The following MBD5 variants were observed in gnomAD, a reference collection of about 807,000 sequenced individuals.
MBD5 encodes methyl-CpG binding domain protein 5.
Under a neutral mutation model 117.3 loss-of-function variants are expected in MBD5, and 13 were observed. The observed-to-expected ratio is 0.11, with a 90% CI of 0.07 to 0.18. The LOEUF (loss-of-function observed/expected upper bound fraction) is 0.18. MBD5 is among the 10% of genes least tolerant of loss of function. The pLI, the probability that MBD5 is intolerant of heterozygous loss-of-function variation, is 1.00. For missense variants in MBD5, 1,879 were observed against 2,093.8 expected (o/e 0.90, Z 2.00); for synonymous variants, 727 against 766.4 (o/e 0.95, Z 0.85).
chr2:148,112,545 C>T (rs770253744), intron 1 of MBD5, among the ~76,000 whole-genome samples: 12 of 152,154 alleles, frequency 7.9e-5, no homozygotes, highest in Non-Finnish European at 1.5e-4. Flanking sequence ...GAGGAATTAT[C>T]ACATGAGCCT....
chr2:148,264,497 A>C (rs1281409237), intron 3 of MBD5: 1 of 152,216 alleles, frequency 6.6e-6, no homozygotes, highest in Non-Finnish European at 1.5e-5. Context: ...CTGCCTAGAA[A>C]AATAATGGCA....
At chr2:148,295,299 T>G (rs972898355) in intron 3 of MBD5, among the ~76,000 whole-genome samples, 1 of 152,226 alleles carries the variant, frequency 6.6e-6, no homozygotes, top group Non-Finnish European at 1.5e-5. Context: ...ACTGATTCTT[T>G]ATTCTGCCAA....
intron 3 of MBD5, among the ~76,000 whole-genome samples, chr2:148,255,131 A>G (rs1020276327): frequency 2.6e-5 from 4 of 152,224 alleles, no homozygotes; most frequent in African/African-American, 9.6e-5. Context: ...ATGTTAACCT[A>G]CGGTCAAAAC....
At chr2:148,379,938 G>A (rs1704088458) in intron 4 of MBD5, among the ~76,000 whole-genome samples, 1 of 152,106 alleles carries the variant, frequency 6.6e-6, no homozygotes, top group African/African-American at 2.4e-5. Context: ...TATAGAAGAA[G>A]TGGCACAAAC....
intron 3 of MBD5, among the ~76,000 whole-genome samples, chr2:148,330,088 T>TACACACACACACACACACACACAC (rs377202803): frequency 0.018 from 717 of 40,324 alleles, 11 homozygotes; most frequent in Admixed American, 0.041. Context: ...CCTCCTGCCA[T>TACACACACACACACACACACACAC]ACACACACAC....
intron 4 of MBD5, among the ~76,000 whole-genome samples, chr2:148,355,302 C>CTT (rs775202893): frequency 7.7e-6 from 1 of 129,878 alleles, no homozygotes; most frequent in African/African-American, 2.8e-5. Flanking sequence ...TCGATTTTGG[C>CTT]TTTTTTTTTT....
chr2:148,041,117 C>T (rs1040554990), intron 1 of MBD5: 5 of 152,230 alleles, frequency 3.3e-5, no homozygotes, highest in African/African-American at 1.2e-4. Flanking sequence ...CCATGCCCAG[C>T]TTATTTATTG....
intron 3 of MBD5, among the ~76,000 whole-genome samples, chr2:148,285,422 C>G (rs1245845598): frequency 6.6e-6 from 1 of 152,046 alleles, no homozygotes; most frequent in African/African-American, 2.4e-5. Flanking sequence ...TGTAAACATA[C>G]TAAAAGAAAG....
chr2:148,181,520 CCAGCTTACTCATGTTTT>C (rs1558961572), intron 2 of MBD5, among the ~76,000 whole-genome samples: 1 of 152,180 alleles, frequency 6.6e-6, no homozygotes, highest in Non-Finnish European at 1.5e-5. Flanking sequence ...TTAACGTTTT[CCAGCTTACTCATGTTTT>C]CAGTCTAATG....
At chr2:148,136,413 CTT>C (rs1193606168) in intron 1 of MBD5, among the ~76,000 whole-genome samples, 1 of 152,040 alleles carries the variant, frequency 6.6e-6, no homozygotes. Flanking sequence ...AGAAGAAAAA[CTT>C]CAGGAAATTT....
Position 148,458,646 on chromosome 2 carries a change from G to T in MBD5, c.-113G>T. 1 of 877,226 alleles carries T rather than the reference G, an allele frequency of 1.1e-6. No individual in the cohort carries two copies. Among genetic ancestry groups the T allele is most frequent in the Non-Finnish European group, 1.9e-6 (1 of 522,010 alleles). The allele number at this position is 877,226 out of a possible 1,614,324, so 54.3% of individuals were successfully genotyped here. A position where few individuals can be genotyped will look rare whatever the true frequency, so the allele number is the denominator to read the frequency against. On this transcript the variant is annotated 5_prime_UTR_variant, in exon 5 of 14. Transcript: ENST00000642680. ...GAAGCTTCCCAATGCGTTTTGTACA[G>T]TCTGGGAAAAACTGTGCTGCACTGG... is the stretch of plus-strand genomic sequence containing the variant.
chr2:148,342,000 A>G (rs533564570), intron 3 of MBD5, among the ~76,000 whole-genome samples: 1 of 152,186 alleles, frequency 6.6e-6, no homozygotes, highest in South Asian at 2.1e-4. Context: ...ATTATTAAAC[A>G]TATGAAAATA....
intron 3 of MBD5, among the ~76,000 whole-genome samples, chr2:148,323,278 C>T (rs1394449210): frequency 6.6e-6 from 1 of 152,118 alleles, no homozygotes; most frequent in Non-Finnish European, 1.5e-5. Context: ...CAAGTCTTTG[C>T]TATTCTGAAT....
intron 4 of MBD5, among the ~76,000 whole-genome samples, chr2:148,427,351 A>C (rs549745671): frequency 2.0e-5 from 3 of 152,322 alleles, no homozygotes; most frequent in African/African-American, 7.2e-5. Flanking sequence ...ACACATGCAC[A>C]CGTATGTTTA....
intron 4 of MBD5, among the ~76,000 whole-genome samples, chr2:148,427,400 C>A (rs1288363939): frequency 1.3e-5 from 2 of 152,144 alleles, no homozygotes; most frequent in South Asian, 4.2e-4. Flanking sequence ...TTGGAACCAA[C>A]CCAAATGTCC....
At chr2:148,195,053 A>G (rs1698943646) in intron 2 of MBD5, among the ~76,000 whole-genome samples, 1 of 152,200 alleles carries the variant, frequency 6.6e-6, no homozygotes, top group Non-Finnish European at 1.5e-5. Context: ...AGAGATCAAA[A>G]TGTAAACAAG....
At chr2:148,323,603 T>TGA (rs1306571633) in intron 3 of MBD5, among the ~76,000 whole-genome samples, 7 of 151,958 alleles carry the variant, frequency 4.6e-5, no homozygotes, top group African/African-American at 1.7e-4. Flanking sequence ...CCAGTGATGG[T>TGA]GAGCATTTTT....
At chr2:148,098,199 C>T (rs1456674993) in intron 1 of MBD5, among the ~76,000 whole-genome samples, 1 of 152,028 alleles carries the variant, frequency 6.6e-6, no homozygotes, top group Admixed American at 6.6e-5. Flanking sequence ...TAGCATCAGT[C>T]CAGTTAAGCA....
chr2:148,503,198 A>G (rs1026810622), intron 12 of MBD5, among the ~76,000 whole-genome samples: 12 of 152,336 alleles, frequency 7.9e-5, no homozygotes, highest in South Asian at 2.1e-4. Flanking sequence ...GTACATAGCT[A>G]TTTAAACATA....
Sources: allele counts gnomAD v4.1 joint callset (sites outside exome capture counted in the v4.1 genomes callset), GRCh38; gene constraint gnomAD v4.1.1; transcripts MANE v1.5; gene names NCBI Gene and HGNC (gene_info 2026-07-23, HGNC 2026-07-21).